The following GALNT16 variants were observed in gnomAD, a reference collection of about 807,000 sequenced individuals.
GALNT16 encodes polypeptide N-acetylgalactosaminyltransferase 16.
Under a neutral mutation model 76.1 loss-of-function variants are expected in GALNT16, and 40 were observed. The observed-to-expected ratio is 0.53, with a 90% CI of 0.41 to 0.68. The LOEUF (loss-of-function observed/expected upper bound fraction) is 0.68, where lower values mean the gene tolerates loss of function less well. Among genes scored for constraint, GALNT16 ranks in the 30% least tolerant of loss-of-function variants. The probability of loss-of-function intolerance (pLI) is 0.00; values close to 1 mark genes in which losing one functional copy is unlikely to be tolerated. For missense variants in GALNT16, 621 were observed against 731.9 expected, an observed-to-expected ratio of 0.85 and a Z score of 1.75; for synonymous variants, 276 against 285.2, an observed-to-expected ratio of 0.97 and a Z score of 0.32.
chr14:69,324,900 C>T, intron 3 of GALNT16, 110 bp downstream of exon 3: 4 of 646,694 alleles, frequency 6.2e-6, no homozygotes, highest in Non-Finnish European at 1.1e-5. Flanking sequence ...GAGGCTGAGT[C>T]CTGTACTTCT....
the GALNT16 span, among the ~76,000 whole-genome samples, chr14:69,369,365 A>T: frequency 6.6e-6 from 1 of 152,248 alleles, no homozygotes; most frequent in East Asian, 1.9e-4. Flanking sequence ...CAAAGATAAA[A>T]GCAAGACTTG....
intron 1 of GALNT16, among the ~76,000 whole-genome samples, chr14:69,307,045 C>A (rs2044945734): frequency 6.6e-6 from 1 of 152,184 alleles, no homozygotes; most frequent in Non-Finnish European, 1.5e-5. Flanking sequence ...TGCGCATCTG[C>A]CTAGCTCATG....
chr14:69,263,983 G>A (rs2044308676), intron 1 of GALNT16, among the ~76,000 whole-genome samples: 1 of 152,220 alleles, frequency 6.6e-6, no homozygotes, highest in South Asian at 2.1e-4. Context: ...GGGAGGCAGG[G>A]CTGACACAGC....
intron 1 of GALNT16, among the ~76,000 whole-genome samples, chr14:69,273,423 A>G (rs774467160): frequency 6.6e-6 from 1 of 152,214 alleles, no homozygotes; most frequent in Non-Finnish European, 1.5e-5. Flanking sequence ...TGTGGTGAGG[A>G]TTCTGGAGCT....
In GALNT16 at chr14:69,347,189, C is replaced by T. The variant is rs201527101; in HGVS notation, c.1413+8C>T. On this transcript the variant is annotated splice_region_variant and intron_variant, in intron 13 of 14. Coordinates refer to ENST00000448469, the MANE Select transcript of GALNT16 (RefSeq NM_001168368.2). ...AACCCGCAGCCCGCCCAGGTAAGGA[C>T]CTCGGGTAGGAATGGGAGTGGGAGA... The T allele has an allele frequency of 1.0e-4, 163 of 1,599,450 alleles. No individual in the cohort carries two copies. The African/African-American group carries it at 2.1e-3, about 20-fold the overall frequency.
At chr14:69,339,759 G>A in intron 11 of GALNT16, 140 bp downstream of exon 11, 1 of 590,634 alleles carries the variant, frequency 1.7e-6, no homozygotes, top group Non-Finnish European at 3.0e-6. Context: ...GGCTTCTTTG[G>A]GTCCTGGGAG....
At chr14:69,345,480 C>T (rs996336635) in intron 12 of GALNT16, among the ~76,000 whole-genome samples, 3 of 152,134 alleles carry the variant, frequency 2.0e-5, no homozygotes, top group African/African-American at 7.2e-5. Context: ...TCAAAGAATG[C>T]CAAACATCTT....
At chr14:69,337,567 C>T (rs1234234427) in intron 9 of GALNT16, among the ~76,000 whole-genome samples, 1 of 152,170 alleles carries the variant, frequency 6.6e-6, no homozygotes, top group Non-Finnish European at 1.5e-5. Context: ...CCCAGTTCTA[C>T]GCCTTAGTTG....
intron 2 of GALNT16, among the ~76,000 whole-genome samples, chr14:69,323,132 A>G (rs2045228106): frequency 6.6e-6 from 1 of 152,154 alleles, no homozygotes; most frequent in Non-Finnish European, 1.5e-5. Flanking sequence ...GCTGGACTCC[A>G]AATTGTCAGG....
chr14:69,278,469 G>A (rs952473842), intron 1 of GALNT16, among the ~76,000 whole-genome samples: 28 of 152,138 alleles, frequency 1.8e-4, no homozygotes, highest in African/African-American at 6.8e-4. Flanking sequence ...TTAAAAAAAG[G>A]AAATTATAGA....
chr14:69,331,033 A>G (rs868257845), intron 6 of GALNT16, among the ~76,000 whole-genome samples: 6 of 152,192 alleles, frequency 3.9e-5, no homozygotes, highest in African/African-American at 1.4e-4. Flanking sequence ...ACAAAGGTAA[A>G]TGATATTAAT....
chr14:69,291,274 G>A (rs1200076836), intron 1 of GALNT16, among the ~76,000 whole-genome samples: 2 of 152,130 alleles, frequency 1.3e-5, no homozygotes, highest in Non-Finnish European at 2.9e-5. Context: ...AGCCTGGGTA[G>A]CAGAATGAAA....
chr14:69,316,736 C>T lies in GALNT16; in HGVS notation c.178-3975C>T, dbSNP rs545800912. 1.4e-4 allele frequency among the ~76,000 whole-genome samples: 19 copies of T among 138,776 alleles called. 1 individual carries two copies. In the South Asian group the frequency reaches 3.6e-3, roughly 27 times the overall value. The allele number at this position is 138,776 out of a possible 152,430, so 91.0% of individuals were successfully genotyped here. A position where few individuals can be genotyped will look rare whatever the true frequency, so the allele number is the denominator to read the frequency against. On this transcript the variant is annotated intron_variant, in intron 1 of 14. Coordinates refer to ENST00000448469, the MANE Select transcript of GALNT16 (RefSeq NM_001168368.2). ...AGCAAGGTGACACCTGCCCAGAGAGCGCCTCAGGCCATTGTGAGCTTGGGG... is the reference window on the plus strand; with the variant it reads ...AGCAAGGTGACACCTGCCCAGAGAGTGCCTCAGGCCATTGTGAGCTTGGGG...
intron 1 of GALNT16, among the ~76,000 whole-genome samples, chr14:69,269,502 TTG>T (rs139070521): frequency 1.4e-5 from 2 of 143,316 alleles, no homozygotes; most frequent in African/African-American, 5.2e-5. Flanking sequence ...TGTGTGGCAT[TTG>T]TGTGTGTGTG....
intron 7 of GALNT16, 31 bp downstream of exon 7, chr14:69,331,582 G>T: frequency 8.0e-7 from 1 of 1,251,500 alleles, no homozygotes. Flanking sequence ...TGGGGCTGTA[G>T]ACATGAAAGG....
intron 1 of GALNT16, among the ~76,000 whole-genome samples, chr14:69,290,959 C>G (rs2044680144): frequency 6.6e-6 from 1 of 152,184 alleles, no homozygotes. Context: ...CGGCAGCCCG[C>G]CGGCCAGGAG....
chr14:69,284,320 C>T (rs1486500574), intron 1 of GALNT16, among the ~76,000 whole-genome samples: 4 of 152,196 alleles, frequency 2.6e-5, no homozygotes, highest in Non-Finnish European at 2.9e-5. Flanking sequence ...GAGATCAATG[C>T]ACCTGTCTCA....
At chr14:69,364,524 T>G in the GALNT16 span, among the ~76,000 whole-genome samples, 13 of 152,282 alleles carry the variant, frequency 8.5e-5, no homozygotes, top group African/African-American at 2.9e-4. The surrounding 1 kb of genome is among the most constrained non-coding windows in gnomAD (Gnocchi z 4.2). Context: ...GGTTTTCATT[T>G]AAACTGGCAG....
intron 1 of GALNT16, among the ~76,000 whole-genome samples, chr14:69,277,872 C>T (rs2044493920): frequency 6.6e-6 from 1 of 152,246 alleles, no homozygotes; most frequent in South Asian, 2.1e-4. Flanking sequence ...TCTCCACATC[C>T]TCTCCAGCAC....
Sources: gnomAD v4.1 joint callset for allele counts (sites outside exome capture counted in the v4.1 genomes callset) on GRCh38, gnomAD v4.1.1 for gene constraint, Gnocchi (gnomAD v3.1) non-coding constraint, MANE v1.5 for transcripts, NCBI Gene and HGNC (gene_info 2026-07-23, HGNC 2026-07-21) for gene names.